Variants in DPP10 observed in about 807,000 individuals in gnomAD.
DPP10 encodes inactive dipeptidyl peptidase 10.
DPP10 carries 33 observed loss-of-function variants against 120.9 expected under a neutral mutation model. The ratio of observed to expected loss-of-function variants is 0.27; its 90% CI spans 0.21 to 0.37. The LOEUF is 0.37. DPP10 is among the 10% of genes least tolerant of loss of function. The pLI, the probability that DPP10 is intolerant of heterozygous loss-of-function variation, is 1.00. For synonymous variants in DPP10, 337 were observed against 326.1 expected (o/e 1.03, Z -0.36); for missense variants, 816 against 942.8 (o/e 0.87, Z 1.76).
intron 3 of DPP10, among the ~76,000 whole-genome samples, chr2:115,467,676 TATG>T (rs1389772429): frequency 8.5e-5 from 13 of 152,182 alleles, no homozygotes; most frequent in Non-Finnish European, 1.3e-4. Flanking sequence ...TGCAATTTAA[TATG>T]ATGAACTTAA....
intron 1 of DPP10, among the ~76,000 whole-genome samples, chr2:114,930,860 G>A (rs1263873776): frequency 6.6e-6 from 1 of 152,088 alleles, no homozygotes; most frequent in Non-Finnish European, 1.5e-5. Context: ...TCCACAACTG[G>A]CCCTCATGGG....
rs1697607440 is a variant in DPP10, at chr2:114,949,384, C to A, written c.61-359855C>A. 2.0e-5 allele frequency among the ~76,000 whole-genome samples: 3 copies of A among 152,146 alleles called. 1 individual carries two copies. Among genetic ancestry groups the A allele is most frequent in the Admixed American group, 2.0e-4 (3 of 15,270 alleles). On this transcript the variant is annotated intron_variant, in intron 1 of 25. Coordinates refer to ENST00000410059, the MANE Select transcript of DPP10 (RefSeq NM_020868.6). ...ATGAGATTTGGATGGGGACACGGAG[C>A]CAAACCATATCAGAGAGTATTGCTG... is the stretch of plus-strand genomic sequence containing the variant.
Position 114,957,885 on chromosome 2 carries a change from A to G in DPP10, c.61-351354A>G, listed in dbSNP as rs143336346. ...ACAAATATCACATAATGTCCCTTAC[A>G]TATGCAATCTAAAATGTCAAACTCA... On this transcript the variant is annotated intron_variant, in intron 1 of 25. Transcript: ENST00000410059. Among the ~76,000 whole-genome samples, 68 of 152,344 alleles carry G rather than the reference A, an allele frequency of 4.5e-4. No individual in the cohort carries two copies. In the East Asian group the frequency reaches 0.01, roughly 22 times the overall value.
At chr2:115,025,807 G>A (rs1703418430) in intron 1 of DPP10, among the ~76,000 whole-genome samples, 1 of 151,742 alleles carries the variant, frequency 6.6e-6, no homozygotes, top group Non-Finnish European at 1.5e-5. Context: ...TGTCTTCTTT[G>A]AGAAATGTTT....
intron 1 of DPP10, among the ~76,000 whole-genome samples, chr2:114,827,020 G>C (rs1349253370): frequency 6.6e-6 from 1 of 152,074 alleles, no homozygotes; most frequent in Non-Finnish European, 1.5e-5. Context: ...ATGAGGATCT[G>C]GGAGGTGGTG....
chr2:114,787,962 AAAGT>A (rs752632732), intron 1 of DPP10, among the ~76,000 whole-genome samples: 25 of 152,344 alleles, frequency 1.6e-4, no homozygotes, highest in Non-Finnish European at 1.5e-4. Context: ...TCTTATTGAA[AAAGT>A]AATTACTGAA....
chr2:115,382,374 C>G (rs113954623), intron 3 of DPP10, among the ~76,000 whole-genome samples: 28 of 152,328 alleles, frequency 1.8e-4, no homozygotes, highest in African/African-American at 6.5e-4. Flanking sequence ...CTCCCTGACC[C>G]CTTGCACTTC....
intron 1 of DPP10, among the ~76,000 whole-genome samples, chr2:114,621,997 A>G (rs1354457731): frequency 2.6e-5 from 4 of 151,906 alleles, no homozygotes; most frequent in Non-Finnish European, 5.9e-5. Context: ...AGTAGATAAA[A>G]TGAGGCATTT....
intron 1 of DPP10, among the ~76,000 whole-genome samples, chr2:114,658,787 ATATCT>A (rs1697162277): frequency 6.6e-6 from 1 of 152,166 alleles, no homozygotes; most frequent in Non-Finnish European, 1.5e-5. Context: ...TGTAATTATT[ATATCT>A]TCTGGAATGT....
intron 3 of DPP10, among the ~76,000 whole-genome samples, chr2:115,498,741 G>A (rs1007902768): frequency 2.0e-5 from 3 of 149,068 alleles, no homozygotes; most frequent in African/African-American, 4.9e-5. Context: ...TTTATCTCCA[G>A]AGTATCCTTA....
chr2:115,745,582 C>T (rs890695751), intron 9 of DPP10, among the ~76,000 whole-genome samples: 4 of 150,504 alleles, frequency 2.7e-5, no homozygotes, highest in Non-Finnish European at 4.4e-5. Context: ...GAGATTAATG[C>T]GATAGCATAC....
intron 1 of DPP10, among the ~76,000 whole-genome samples, chr2:114,668,831 A>G (rs576056358): frequency 1.9e-4 from 29 of 152,076 alleles, no homozygotes; most frequent in Non-Finnish European, 2.4e-4. Flanking sequence ...ATTGCATTTC[A>G]AGCTTCAGAA....
chr2:114,500,912 A>C (rs1683104487), intron 1 of DPP10, among the ~76,000 whole-genome samples: 1 of 152,208 alleles, frequency 6.6e-6, no homozygotes, highest in South Asian at 2.1e-4. Flanking sequence ...GCGGAGGGCA[A>C]TGATGAATGC....
intron 1 of DPP10, among the ~76,000 whole-genome samples, chr2:114,959,485 TTTGAG>T (rs1355920526): frequency 1.3e-5 from 2 of 152,194 alleles, no homozygotes; most frequent in African/African-American, 4.8e-5. Flanking sequence ...TGATGAACAT[TTTGAG>T]TTGTTTCTTC....
At chr2:115,218,443 TA>T (rs2056954291) in intron 1 of DPP10, among the ~76,000 whole-genome samples, 1 of 152,160 alleles carries the variant, frequency 6.6e-6, no homozygotes, top group East Asian at 1.9e-4. Context: ...TTGGTTTCCT[TA>T]AAACATGACA....
chr2:115,423,274 A>T (rs1435327402), intron 3 of DPP10, among the ~76,000 whole-genome samples: 1 of 152,122 alleles, frequency 6.6e-6, no homozygotes, highest in Non-Finnish European at 1.5e-5. Context: ...CAGATATTTC[A>T]GTTTACACTA....
At chr2:114,650,142 G>T (rs906341560) in intron 1 of DPP10, among the ~76,000 whole-genome samples, 1 of 152,176 alleles carries the variant, frequency 6.6e-6, no homozygotes, top group East Asian at 1.9e-4. Flanking sequence ...AGTTTGTGAA[G>T]TACGGTGTTT....
chr2:114,732,688 T>C (rs977429247), intron 1 of DPP10, among the ~76,000 whole-genome samples: 1 of 152,180 alleles, frequency 6.6e-6, no homozygotes, highest in Non-Finnish European at 1.5e-5. Flanking sequence ...AGGGTAATGT[T>C]TGAGGGAGGA....
intron 3 of DPP10, among the ~76,000 whole-genome samples, chr2:115,411,651 A>G (rs2104584428): frequency 6.6e-6 from 1 of 152,324 alleles, no homozygotes; most frequent in African/African-American, 2.4e-5. Context: ...AAGCCTTAGA[A>G]AGACTTGGGG....
Sources: gnomAD v4.1 joint callset for allele counts (sites outside exome capture counted in the v4.1 genomes callset) on GRCh38, gnomAD v4.1.1 for gene constraint, MANE v1.5 for transcripts, NCBI Gene and HGNC (gene_info 2026-07-23, HGNC 2026-07-21) for gene names.